The following SAMD9 variants were observed in gnomAD, a reference collection of about 807,000 sequenced individuals.
SAMD9 encodes sterile alpha motif domain-containing protein 9.
A neutral mutation model predicts 1.5 loss-of-function variants in SAMD9; 3 were observed. That is an observed-to-expected ratio of 2.05 (90% confidence interval 0.93 to 5.29). SAMD9 has a LOEUF of 5.29. Among genes scored for constraint, SAMD9 ranks in the 30% most tolerant of loss-of-function variants. The pLI, the probability that SAMD9 is intolerant of heterozygous loss-of-function variation, is 0.02. For missense variants in SAMD9, 1,597 were observed against 1,820.8 expected (o/e 0.88, Z 2.24); for synonymous variants, 635 against 631.9 (o/e 1.00, Z -0.07).
At position 93,105,634 on chromosome 7, in the gene SAMD9, G is replaced by A. The variant is rs1485952790; in HGVS notation, c.464C>T (p.Pro155Leu). The change falls in exon 3 of 3, where the codon CCA becomes CTA. Residue 155 changes from proline (P) to leucine (L), a missense_variant. Coordinates refer to ENST00000379958, the MANE Select transcript of SAMD9 (RefSeq NM_017654.4). ...DKIDYTKERQ[P>L]SIDLTCVSYP... Reference sequence around the variant, plus strand: ...TGATACACATGTCAGGTCTATGGATGGTTGCCTTTCCTTTGTATAATCTAT... The same window carrying A: ...TGATACACATGTCAGGTCTATGGATAGTTGCCTTTCCTTTGTATAATCTAT... 1.2e-6 allele frequency: 2 copies of A among 1,614,062 alleles called. No homozygotes were observed. The highest frequency in any genetic ancestry group is 1.1e-5 in the South Asian group (1 of 91,070).
At chr7:93,111,305 C>T (rs553087323) in intron 2 of SAMD9, among the ~76,000 whole-genome samples, 9 of 152,318 alleles carry the variant, frequency 5.9e-5, no homozygotes, top group African/African-American at 1.7e-4. Flanking sequence ...ACATTTAAAG[C>T]AGTGTGTCGA....
Position 93,103,085 on chromosome 7 carries a change from T to C in SAMD9, c.3013A>G (p.Ser1005Gly). The C allele has an allele frequency of 6.2e-7, 1 of 1,613,884 alleles. No individual in the cohort carries two copies. The stretch of plus-strand genomic sequence containing the variant: ...GTTAGCATATCCAACATAATTTGAC[T>C]TTTATTCAGGTGATAGCTTTTCTTC... ...ELKKSYHLNK[S>G]QIMLDMLTEN... Residue 1005 changes from serine (S) to glycine (G), a missense_variant, in exon 3 of 3, where the codon AGT becomes GGT. Physicochemically the swap from Ser to Gly is moderately conservative, Grantham distance 56. Transcript: ENST00000379958.
Position 93,104,592 on chromosome 7 carries a change from A to G in SAMD9, c.1506T>C (p.Ser502=). ...TTGGATCAAAGGGTTTATATTTTTC[A>G]CTGTCAAGGTCTAACCTGCCATTGC... is the stretch of plus-strand genomic sequence containing the variant. ...IFCNGRLDLD[S]EKYKPFDPSS... is the part of the protein sequence containing the mutation. The change falls in exon 3 of 3, where the codon AGT becomes AGC. Residue 502 remains serine, a synonymous_variant. Transcript: ENST00000379958. 6.2e-7 allele frequency: 1 copy of G among 1,614,030 alleles called. No homozygotes were observed. Among genetic ancestry groups the G allele is most frequent in the Non-Finnish European group, 8.5e-7 (1 of 1,179,930 alleles).
Position 93,105,088 on chromosome 7 carries a change from T to G in SAMD9, c.1010A>C (p.Lys337Thr). 1 of 1,614,016 alleles carries G rather than the reference T, an allele frequency of 6.2e-7. No homozygotes were observed. Among genetic ancestry groups the G allele is most frequent in the Non-Finnish European group, 8.5e-7 (1 of 1,179,954 alleles). The change falls in exon 3 of 3, where the codon AAA becomes ACA. Residue 337 changes from lysine to threonine, a missense_variant. Physicochemically the swap from Lys to Thr is moderately conservative, Grantham distance 78 (BLOSUM62 -1). Coordinates refer to ENST00000379958, the MANE Select transcript of SAMD9 (RefSeq NM_017654.4). ...NYNNKIWEQS[K>T]KFSLFVRDGT... ...ATCTCGCACAAATAGTGAGAATTTT[T>G]TACTTTGTTCCCATATTTTGTTGTT...
intron 2 of SAMD9, among the ~76,000 whole-genome samples, chr7:93,113,552 C>T (rs1327810164): frequency 1.3e-5 from 2 of 152,106 alleles, no homozygotes; most frequent in Non-Finnish European, 2.9e-5. Context: ...ACAATCTACC[C>T]ATCTGACAAA....
In SAMD9 at chr7:93,105,417, C is replaced by T. The variant is rs768198430; in HGVS notation, c.681G>A (p.Met227Ile). Reference sequence around the variant, plus strand: ...GAATAGTGCCATTGGTACGTGAATTCATACAAGCTGAAGCAAATCGGAAAA... The same window carrying T: ...GAATAGTGCCATTGGTACGTGAATTTATACAAGCTGAAGCAAATCGGAAAA... ...NEVFRFASAC[M>I]NSRTNGTIHF... The change falls in exon 3 of 3, where the codon ATG (methionine) becomes ATA (isoleucine). Residue 227 changes from methionine to isoleucine, a missense_variant. Physicochemically the swap from Met to Ile is conservative, Grantham distance 10. Coordinates refer to ENST00000379958, the MANE Select transcript of SAMD9 (RefSeq NM_017654.4). 1 of 1,614,044 alleles carries T rather than the reference C, an allele frequency of 6.2e-7. No homozygotes were observed. The highest frequency in any genetic ancestry group is 8.5e-7 in the Non-Finnish European group (1 of 1,179,976).
intron 1 of SAMD9, among the ~76,000 whole-genome samples, chr7:93,115,740 A>G (rs776028038): frequency 4.6e-5 from 7 of 152,236 alleles, no homozygotes; most frequent in Admixed American, 1.3e-4. Flanking sequence ...AGATACTTGC[A>G]TAAAAAAGAT....
Position 93,103,872 on chromosome 7 carries a change from C to A in SAMD9, c.2226G>T (p.Gly742=). The change falls in exon 3 of 3, where the codon GGG becomes GGT. Residue 742 remains glycine (G), a synonymous_variant. Coordinates refer to ENST00000379958, the MANE Select transcript of SAMD9 (RefSeq NM_017654.4). ...IIHLYHHPGC[G]GTTLAMHILW... ...GAATGTGCATAGCCAAGGTAGTTCC[C>A]CCACAGCCTGGATGATGATACAGAT... is the stretch of plus-strand genomic sequence containing the variant. The A allele has an allele frequency of 1.2e-6, 2 of 1,613,950 alleles. No homozygotes were observed. Among genetic ancestry groups the A allele is most frequent in the Non-Finnish European group, 1.7e-6 (2 of 1,179,864 alleles).
chr7:93,112,282 A>G (rs1319539749), intron 2 of SAMD9, among the ~76,000 whole-genome samples: 2 of 152,286 alleles, frequency 1.3e-5, no homozygotes, highest in Non-Finnish European at 2.9e-5. Flanking sequence ...CTCTCAATAA[A>G]CTAGGTATTG....
Position 93,106,217 on chromosome 7 carries a change from TG to T in SAMD9, c.-8-113del, listed in dbSNP as rs1791642815. 15 of 604,044 alleles carry T rather than the reference TG, an allele frequency of 2.5e-5. No homozygotes were observed. The South Asian group carries it at 5.1e-4, about 21-fold the overall frequency. 37.4% of individuals were successfully genotyped at this position (604,044 alleles called of 1,614,324 possible). A position where few individuals can be genotyped will look rare whatever the true frequency, so the allele number is the denominator to read the frequency against. ...AAAATTTAAAAAGCTCAAAAGGATA[TG>T]CCAATGAATTATCTCTTGAGAGAAT... On this transcript the variant is annotated intron_variant, in intron 2 of 2. Transcript: ENST00000379958.
In SAMD9 at chr7:93,104,672, G is replaced by A; in HGVS notation, c.1426C>T (p.Pro476Ser). ...PSVYVEQKTT[P>S]NETISTLNLY... Reference sequence around the variant, plus strand: ...TTTAGAGTAGAAATCGTCTCATTTGGTGTGGTTTTCTGTTCTACATATACA... The same window carrying A: ...TTTAGAGTAGAAATCGTCTCATTTGATGTGGTTTTCTGTTCTACATATACA... The change falls in exon 3 of 3, where the codon CCA becomes TCA. Residue 476 changes from proline to serine, a missense_variant. By Grantham distance (74) the Pro-to-Ser change is moderately conservative. Coordinates refer to ENST00000379958, the MANE Select transcript of SAMD9 (RefSeq NM_017654.4). 3 of 1,614,050 alleles carry A rather than the reference G, an allele frequency of 1.9e-6. No homozygotes were observed. The highest frequency in any genetic ancestry group is 2.5e-6 in the Non-Finnish European group (3 of 1,179,942).
Position 93,108,861 on chromosome 7 carries a change from T to A in SAMD9, c.-8-2756A>T, listed in dbSNP as rs377413949. Reference sequence around the variant, plus strand: ...AGGAGGCCTGCCTGCCTCTGTAGACTCCACCTGTGGGGCAGGGCATAGCTG... The same window carrying A: ...AGGAGGCCTGCCTGCCTCTGTAGACACCACCTGTGGGGCAGGGCATAGCTG... On this transcript the variant is annotated intron_variant, in intron 2 of 2. Transcript: ENST00000379958. Among the ~76,000 whole-genome samples, 3 of 152,056 alleles carry A rather than the reference T, an allele frequency of 2.0e-5. No individual in the cohort carries two copies. In the South Asian group the frequency reaches 6.2e-4, roughly 32 times the overall value.
chr7:93,103,823 T>C lies in SAMD9; in HGVS notation c.2275A>G (p.Arg759Gly), dbSNP rs1241800370. Residue 759 changes from arginine to glycine, a missense_variant, in exon 3 of 3, where the codon AGA (arginine) becomes GGA (glycine). By Grantham distance (125) the Arg-to-Gly change is moderately radical. Coordinates refer to ENST00000379958, the MANE Select transcript of SAMD9 (RefSeq NM_017654.4). ...GTCTTGTTTTTCAGCACAGCACATC[T>C]GAATTTCTTCCTTAGTTCCCAGAGA... ...HILWELRKKF[R>G]CAVLKNKTVD... 2 of 1,613,890 alleles carry C rather than the reference T, an allele frequency of 1.2e-6. No individual in the cohort carries two copies. Among genetic ancestry groups the C allele is most frequent in the Non-Finnish European group, 1.7e-6 (2 of 1,179,880 alleles).
In SAMD9 at chr7:93,103,257, CTT is replaced by C; in HGVS notation, c.2839_2840del (p.Lys947GlufsTer10). The C allele has an allele frequency of 6.2e-7, 1 of 1,613,696 alleles. No homozygotes were observed. Among genetic ancestry groups the C allele is most frequent in the Non-Finnish European group, 8.5e-7 (1 of 1,179,732 alleles). ...ATTTTTCTGTCCCCCAGAAAGCCTT[CTT>C]GTTTCCAATTCCTAAGAATTTTTCA... is the stretch of plus-strand genomic sequence containing the variant. ...QCEKFLGIGN[K>X]KAFWGTEKFE... On this transcript the variant is annotated frameshift_variant, in exon 3 of 3. Transcript: ENST00000379958. LOFTEE classifies it low-confidence loss of function (END_TRUNC).
At chr7:93,114,338 T>C (rs913622923) in intron 2 of SAMD9, among the ~76,000 whole-genome samples, 1 of 148,942 alleles carries the variant, frequency 6.7e-6, no homozygotes, top group Admixed American at 6.7e-5. Flanking sequence ...TTAGGAGATA[T>C]ACCTAATGTA....
rs779289964 is a variant in SAMD9, at chr7:93,105,577, C to T, written c.521G>A (p.Arg174His). 2.9e-5 allele frequency: 46 copies of T among 1,613,924 alleles called. No homozygotes were observed. The highest frequency in any genetic ancestry group is 6.6e-5 in the South Asian group (6 of 91,082). The change falls in exon 3 of 3, where the codon CGT (arginine) becomes CAT (histidine). Residue 174 changes from arginine (R) to histidine (H), a missense_variant. Transcript: ENST00000379958. Reference sequence around the variant, plus strand: ...CTGTAGACTAAAATCCAACTTGTAACGATATGGATTACTGAATTCATCAAA... The same window carrying T: ...CTGTAGACTAAAATCCAACTTGTAATGATATGGATTACTGAATTCATCAAA... ...YPFDEFSNPY[R>H]YKLDFSLQPE...
At position 93,104,510 on chromosome 7, in the gene SAMD9, G is replaced by A. The variant is rs2116419618; in HGVS notation, c.1588C>T (p.His530Tyr). The change falls in exon 3 of 3, where the codon CAT becomes TAT. Residue 530 changes from histidine to tyrosine, a missense_variant. By Grantham distance (83) the His-to-Tyr change is moderately conservative (BLOSUM62 2). Coordinates refer to ENST00000379958, the MANE Select transcript of SAMD9 (RefSeq NM_017654.4). ...DVRKLISFLT[H>Y]EDIMPRGKFL... ...TTCCCTCTTGGCATTATGTCTTCAT[G>A]TGTAAGAAATGAAATCAGTTTCCTG... The A allele has an allele frequency of 6.2e-7, 1 of 1,614,034 alleles. No individual in the cohort carries two copies. The highest frequency in any genetic ancestry group is 8.5e-7 in the Non-Finnish European group (1 of 1,179,904).
Position 93,102,451 on chromosome 7 carries a change from A to G in SAMD9, c.3647T>C (p.Phe1216Ser), listed in dbSNP as rs1791549798. 1 of 1,613,748 alleles carries G rather than the reference A, an allele frequency of 6.2e-7. No homozygotes were observed. Among genetic ancestry groups the G allele is most frequent in the East Asian group, 2.2e-5 (1 of 44,856 alleles). ...YTIQILQLIP[F>S]FDNKNELSKR... ...AGATAGCTCATTTTTATTATCAAAA[A>G]AAGGAATGAGCTGGAGAATTTGGAT... Residue 1216 changes from phenylalanine to serine, a missense_variant, in exon 3 of 3, where the codon TTT (phenylalanine) becomes TCT (serine). Physicochemically the swap from Phe to Ser is radical, Grantham distance 155 (BLOSUM62 -2). Transcript: ENST00000379958.
At chr7:93,113,775 G>C (rs559502113) in intron 2 of SAMD9, among the ~76,000 whole-genome samples, 82 of 152,170 alleles carry the variant, frequency 5.4e-4, no homozygotes, top group Admixed American at 1.0e-3. Flanking sequence ...TTAGAATGGG[G>C]GATCATTAAA....
Sources: allele counts gnomAD v4.1 joint callset (sites outside exome capture counted in the v4.1 genomes callset), GRCh38; gene constraint gnomAD v4.1.1; transcripts MANE v1.5; gene names NCBI Gene and HGNC (gene_info 2026-07-23, HGNC 2026-07-21).